INPP5F: variants seen among roughly 807,000 people sequenced by gnomAD.
The protein encoded by INPP5F is phosphatidylinositide 4-phosphatase SAC2.
INPP5F carries 97 observed loss-of-function variants against 137.2 expected under a neutral mutation model. That is an observed-to-expected ratio of 0.71 (90% CI 0.60 to 0.84). The LOEUF (loss-of-function observed/expected upper bound fraction) is 0.84. Ranked by LOEUF, INPP5F falls within the 40% of genes least tolerant of loss-of-function variation. The pLI, the probability that INPP5F is intolerant of heterozygous loss-of-function variation, is 0.00. For synonymous variants in INPP5F, 504 were observed against 476.9 expected, an observed-to-expected ratio of 1.06 and a Z score of -0.74; for missense variants, 1,271 against 1,371.9, an observed-to-expected ratio of 0.93 and a Z score of 1.16.
chr10:119,793,216 C>T (rs906200787), intron 6 of INPP5F, among the ~76,000 whole-genome samples: 4 of 152,246 alleles, frequency 2.6e-5, no homozygotes, highest in African/African-American at 7.2e-5. Context: ...GACTTGAAGT[C>T]GTCATATTCA....
intron 1 of INPP5F, among the ~76,000 whole-genome samples, chr10:119,750,628 G>A (rs113452586): frequency 2.0e-5 from 3 of 152,328 alleles, no homozygotes; most frequent in East Asian, 1.9e-4. Context: ...GTTGCTTTCC[G>A]GATTTCTTTG....
At chr10:119,749,820 C>T (rs746373664) in intron 1 of INPP5F, among the ~76,000 whole-genome samples, 8 of 152,168 alleles carry the variant, frequency 5.3e-5, no homozygotes, top group South Asian at 2.1e-4. Flanking sequence ...GCACTGTTGC[C>T]TGGGCTGGAG....
At chr10:119,790,598 T>C (rs1458148519) in intron 3 of INPP5F, among the ~76,000 whole-genome samples, 1 of 152,242 alleles carries the variant, frequency 6.6e-6, no homozygotes, top group Non-Finnish European at 1.5e-5. Flanking sequence ...CTTCTCACTT[T>C]ATCTTAATAG....
At chr10:119,804,872 C>T (rs1306130158) in intron 10 of INPP5F, among the ~76,000 whole-genome samples, 4 of 151,924 alleles carry the variant, frequency 2.6e-5, no homozygotes, top group African/African-American at 4.8e-5. Context: ...GACTACGGCA[C>T]GCTCCACTAT....
intron 8 of INPP5F, among the ~76,000 whole-genome samples, 180 bp from the exon 9 acceptor site, chr10:119,798,363 G>A (rs1319832317): frequency 6.6e-6 from 1 of 152,006 alleles, no homozygotes; most frequent in Non-Finnish European, 1.5e-5. Context: ...TTAGTGTAGT[G>A]TAACTGGAAA....
rs773810672 is a variant in INPP5F, at chr10:119,822,458, C to T, written c.1986C>T (p.Asn662=). Residue 662 remains asparagine (N), a synonymous_variant, in exon 17 of 20, where the codon AAC becomes AAT. Transcript: ENST00000650623. ...AYYDDEVDKV[N]QYQRLSLENL... The stretch of plus-strand genomic sequence containing the variant: ...ATGATGATGAAGTTGATAAAGTAAA[C>T]CAGTATCAACGACTAAGTCTAGAAA... The T allele has an allele frequency of 6.5e-6, 10 of 1,528,786 alleles. No individual in the cohort carries two copies. Among genetic ancestry groups the T allele is most frequent in the Non-Finnish European group, 8.1e-6 (9 of 1,115,334 alleles). 94.7% of individuals were successfully genotyped at this position (1,528,786 alleles called of 1,614,324 possible). A position where few individuals can be genotyped will look rare whatever the true frequency, so the allele number is the denominator to read the frequency against.
chr10:119,780,556 GAC>G (rs1230788119), intron 2 of INPP5F, among the ~76,000 whole-genome samples: 1 of 152,158 alleles, frequency 6.6e-6, no homozygotes, highest in Non-Finnish European at 1.5e-5. Flanking sequence ...TAGCCTGGGT[GAC>G]AGAGTGAGAC....
chr10:119,732,780 G>A (rs1848121074), intron 1 of INPP5F, among the ~76,000 whole-genome samples: 1 of 152,176 alleles, frequency 6.6e-6, no homozygotes, highest in African/African-American at 2.4e-5. Context: ...GGCATTACAG[G>A]CGTGAGCCAC....
At chr10:119,731,482 G>A (rs1256515408) in intron 1 of INPP5F, among the ~76,000 whole-genome samples, 1 of 152,102 alleles carries the variant, frequency 6.6e-6, no homozygotes, top group Non-Finnish European at 1.5e-5. Flanking sequence ...TAGCCAACAT[G>A]GTAAAACCCC....
At chr10:119,798,443 C>A in intron 8 of INPP5F, 100 bp from the exon 9 acceptor site, 3 of 756,418 alleles carry the variant, frequency 4.0e-6, no homozygotes, top group Admixed American at 2.5e-5. Flanking sequence ...TTCATTTGGG[C>A]TGTCAATAAA....
chr10:119,827,227 T>C lies in INPP5F; in HGVS notation c.2846T>C (p.Leu949Ser). Residue 949 changes from leucine (L) to serine (S), a missense_variant, in exon 20 of 20, where the codon TTG becomes TCG. Transcript: ENST00000650623. ...KSPSAGDVHI[L>S]TGFAKPMDIY... is the part of the protein sequence containing the mutation. Reference sequence around the variant, plus strand: ...CCTTCTGCTGGCGACGTACACATATTGACTGGCTTTGCCAAGCCTATGGAT... The same window carrying C: ...CCTTCTGCTGGCGACGTACACATATCGACTGGCTTTGCCAAGCCTATGGAT... 3.7e-6 allele frequency: 6 copies of C among 1,614,156 alleles called. No individual in the cohort carries two copies. Among genetic ancestry groups the C allele is most frequent in the South Asian group, 3.3e-5 (3 of 91,084 alleles).
At chr10:119,822,942 C>T in intron 17 of INPP5F, 129 bp from the exon 18 acceptor site, 1 of 866,364 alleles carries the variant, frequency 1.2e-6, no homozygotes, top group African/African-American at 1.7e-5. Flanking sequence ...ACCAAATGGT[C>T]ACCAGAAGTT....
At chr10:119,750,077 G>A (rs983968880) in intron 1 of INPP5F, among the ~76,000 whole-genome samples, 5 of 152,112 alleles carry the variant, frequency 3.3e-5, no homozygotes, top group African/African-American at 1.2e-4. Flanking sequence ...CCAAAAACAA[G>A]TCAACTTTTT....
At chr10:119,731,634 A>T (rs1199884534) in intron 1 of INPP5F, among the ~76,000 whole-genome samples, 1 of 152,240 alleles carries the variant, frequency 6.6e-6, no homozygotes, top group African/African-American at 2.4e-5. Context: ...ACTGTACTCC[A>T]GCCTGGGCAA....
chr10:119,795,090 T>C (rs1262804795), intron 6 of INPP5F, among the ~76,000 whole-genome samples: 1 of 80,538 alleles, frequency 1.2e-5, no homozygotes, highest in Admixed American at 1.3e-4. Flanking sequence ...CCCCCCCACC[T>C]CCCTCCCTCC....
intron 10 of INPP5F, among the ~76,000 whole-genome samples, chr10:119,805,005 G>T (rs1389632749): frequency 6.6e-6 from 1 of 152,162 alleles, no homozygotes; most frequent in South Asian, 2.1e-4. Flanking sequence ...GGGATTACAG[G>T]CATGAGCCAA....
chr10:119,790,217 G>C (rs773224986), intron 3 of INPP5F, among the ~76,000 whole-genome samples: 1 of 152,092 alleles, frequency 6.6e-6, no homozygotes, highest in Non-Finnish European at 1.5e-5. Flanking sequence ...TGACGGAAAC[G>C]ATCACAGAAA....
At chr10:119,825,303 GT>G (rs1336052724) in intron 19 of INPP5F, among the ~76,000 whole-genome samples, 22 of 152,094 alleles carry the variant, frequency 1.4e-4, no homozygotes, top group African/African-American at 5.3e-4. Flanking sequence ...TATTTCACTT[GT>G]CCCTAACAGT....
chr10:119,728,570 T>G (rs1847957390), intron 1 of INPP5F, among the ~76,000 whole-genome samples: 1 of 152,230 alleles, frequency 6.6e-6, no homozygotes, highest in South Asian at 2.1e-4. Flanking sequence ...TTTTCTTTTT[T>G]GAAAGGGCAG....
Sources: allele counts gnomAD v4.1 joint callset (sites outside exome capture counted in the v4.1 genomes callset), GRCh38; gene constraint gnomAD v4.1.1; transcripts MANE v1.5; gene names NCBI Gene and HGNC (gene_info 2026-07-23, HGNC 2026-07-21).